DIP2C: variants seen among roughly 807,000 people sequenced by gnomAD.
The protein encoded by DIP2C is DIP2 acetate--CoA ligase C (putative).
A neutral mutation model predicts 192.4 loss-of-function variants in DIP2C; 33 were observed. That is an observed-to-expected ratio of 0.17 (90% CI 0.13 to 0.23). The LOEUF is 0.23. Ranked by LOEUF, DIP2C falls within the 10% of genes least tolerant of loss-of-function variation. The probability of loss-of-function intolerance (pLI) is 1.00; values close to 1 mark genes in which losing one functional copy is unlikely to be tolerated. For synonymous variants in DIP2C, 979 were observed against 864.1 expected (o/e 1.13, Z -2.33); for missense variants, 1,537 against 2,110.1 (o/e 0.73, Z 5.32).
intron 32 of DIP2C, among the ~76,000 whole-genome samples, chr10:291,170 T>C (rs1344857000): frequency 1.3e-5 from 2 of 152,184 alleles, no homozygotes; most frequent in African/African-American, 2.4e-5. Context: ...TGCCTCACCC[T>C]CCGGCCGTAT....
intron 5 of DIP2C, 142 bp downstream of exon 5, chr10:422,682 T>A: frequency 2.0e-6 from 2 of 1,001,528 alleles, no homozygotes; most frequent in Non-Finnish European, 2.8e-6. Context: ...CCAGAAACAA[T>A]CCAGCCAAAG....
At chr10:447,633 G>A (rs978765252) in intron 3 of DIP2C, among the ~76,000 whole-genome samples, 16 of 137,270 alleles carry the variant, frequency 1.2e-4, no homozygotes, top group Non-Finnish European at 2.0e-4. Context: ...CTATACTCAG[G>A]ATCACACACA....
chr10:651,525 A>C lies in DIP2C; in HGVS notation c.85+37969T>G. On this transcript the variant is annotated intron_variant, in intron 1 of 36. Transcript: ENST00000280886. This position sits in a 1 kb window ranked among gnomAD's most constrained non-coding sequence, Gnocchi z 4.1. Reference sequence around the variant, plus strand: ...CCGTATCCACGTGAAGGTATTATGCAAAAAAAGCTTAACTTTGTTTCAGTG... The same window carrying C: ...CCGTATCCACGTGAAGGTATTATGCCAAAAAAGCTTAACTTTGTTTCAGTG... 1 of 493,852 alleles carries C rather than the reference A, an allele frequency of 2.0e-6. No individual in the cohort carries two copies. The allele number at this position is 493,852 out of a possible 1,614,324, so 30.6% of individuals were successfully genotyped here.
At chr10:422,523 C>T (rs1307791590) in intron 5 of DIP2C, among the ~76,000 whole-genome samples, 1 of 152,100 alleles carries the variant, frequency 6.6e-6, no homozygotes, top group Admixed American at 6.5e-5. Flanking sequence ...AAAACCCTGT[C>T]CTGTTGATTG....
intron 24 of DIP2C, among the ~76,000 whole-genome samples, chr10:352,613 AG>A (rs1958877693): frequency 6.6e-6 from 1 of 152,210 alleles, no homozygotes; most frequent in Non-Finnish European, 1.5e-5. Flanking sequence ...ATGGCCAGGC[AG>A]GGCCATGGGT....
intron 1 of DIP2C, among the ~76,000 whole-genome samples, chr10:607,775 C>G (rs889980938): frequency 6.6e-6 from 1 of 152,062 alleles, no homozygotes; most frequent in Non-Finnish European, 1.5e-5. Flanking sequence ...CAATGGAAAC[C>G]TCTTCTTAGA....
At chr10:342,453 T>G (rs1958202020) in intron 28 of DIP2C, among the ~76,000 whole-genome samples, 1 of 152,144 alleles carries the variant, frequency 6.6e-6, no homozygotes, top group Non-Finnish European at 1.5e-5. Context: ...ACACCGCGCC[T>G]GGCCTCGTGT....
chr10:378,594 G>T (rs201324618), intron 17 of DIP2C, among the ~76,000 whole-genome samples: 7 of 128,220 alleles, frequency 5.5e-5, no homozygotes, highest in Middle Eastern at 4.3e-3. Context: ...CGCAGACATA[G>T]ACACACATGA....
At position 417,660 on chromosome 10, in the gene DIP2C, T is replaced by TCACTGCA. The variant is rs1965760943; in HGVS notation, c.739+1404_739+1405insTGCAGTG. On this transcript the variant is annotated intron_variant, in intron 6 of 36. Transcript: ENST00000280886. The stretch of plus-strand genomic sequence containing the variant: ...CGGATAGGCCTCCCTGTCCACCTGT[T>TCACTGCA]CCTGTCAGGGCTCGGATAGGCCTCC... 2.5e-4 allele frequency among the ~76,000 whole-genome samples: 3 copies of TCACTGCA among 12,126 alleles called. 1 individual carries two copies. Among genetic ancestry groups the TCACTGCA allele is most frequent in the Non-Finnish European group, 3.8e-4 (2 of 5,320 alleles). 8.0% of individuals were successfully genotyped at this position (12,126 alleles called of 152,430 possible). A position where few individuals can be genotyped will look rare whatever the true frequency, so the allele number is the denominator to read the frequency against.
chr10:510,758 C>T (rs1231650385), intron 1 of DIP2C, among the ~76,000 whole-genome samples: 1 of 152,232 alleles, frequency 6.6e-6, no homozygotes. Flanking sequence ...CCAGCGCCTC[C>T]GTGTGCCGGG....
chr10:401,301 A>G (rs1180942101), intron 9 of DIP2C, among the ~76,000 whole-genome samples: 3 of 151,526 alleles, frequency 2.0e-5, no homozygotes, highest in Non-Finnish European at 2.9e-5. Flanking sequence ...TTCCTTACGG[A>G]CAAGTTTGGT....
intron 1 of DIP2C, among the ~76,000 whole-genome samples, chr10:688,810 G>A (rs1362821766): frequency 1.3e-5 from 2 of 152,260 alleles, no homozygotes; most frequent in Non-Finnish European, 2.9e-5. Context: ...GAGAGGACCA[G>A]GACGGCAAGG....
At chr10:439,325 C>CA (rs1967532325) in intron 4 of DIP2C, among the ~76,000 whole-genome samples, 1 of 151,608 alleles carries the variant, frequency 6.6e-6, no homozygotes, top group Non-Finnish European at 1.5e-5. Context: ...GCACGGCGTT[C>CA]ACTCCCTTGC....
At chr10:304,670 C>G (rs1327174052) in intron 32 of DIP2C, among the ~76,000 whole-genome samples, 1 of 141,630 alleles carries the variant, frequency 7.1e-6, no homozygotes, top group African/African-American at 2.6e-5. Flanking sequence ...ATGCAACACA[C>G]ACACAATACT....
chr10:321,594 G>C (rs1423414416), intron 31 of DIP2C, among the ~76,000 whole-genome samples: 1 of 145,218 alleles, frequency 6.9e-6, no homozygotes, highest in Non-Finnish European at 1.5e-5. Flanking sequence ...GCTCCAGCGA[G>C]AGACCGGCGC....
chr10:364,668 G>T lies in DIP2C; in HGVS notation c.2269-86C>A. 2.1e-6 allele frequency: 3 copies of T among 1,436,890 alleles called. No homozygotes were observed. In the African/African-American group the frequency reaches 4.2e-5, roughly 20 times the overall value. 89.0% of individuals were successfully genotyped at this position (1,436,890 alleles called of 1,614,324 possible). Reference sequence around the variant, plus strand: ...CGCTACTCCTGGGAGCACGGCACCTGCTTTGCTTAAGCTCTGCCTTTCACC... The same window carrying T: ...CGCTACTCCTGGGAGCACGGCACCTTCTTTGCTTAAGCTCTGCCTTTCACC... On this transcript the variant is annotated intron_variant, in intron 19 of 36. Coordinates refer to ENST00000280886, the MANE Select transcript of DIP2C (RefSeq NM_014974.3).
intron 29 of DIP2C, 53 bp downstream of exon 29, chr10:341,146 G>C (rs2132558472): frequency 6.2e-7 from 1 of 1,612,230 alleles, no homozygotes; most frequent in East Asian, 2.2e-5. Flanking sequence ...CTAAGGTCTG[G>C]AGAGGAAGGT....
chr10:662,985 T>G (rs757415666), intron 1 of DIP2C: 1 of 715,270 alleles, frequency 1.4e-6, no homozygotes. Context: ...ATTGGTTTTA[T>G]CTGAACGTCA....
At chr10:420,500 AAC>A (rs1966109982) in intron 5 of DIP2C, among the ~76,000 whole-genome samples, 1 of 152,206 alleles carries the variant, frequency 6.6e-6, no homozygotes, top group African/African-American at 2.4e-5. Flanking sequence ...CTGCAGAACC[AAC>A]ACACACCCCC....
Sources: allele counts gnomAD v4.1 joint callset (sites outside exome capture counted in the v4.1 genomes callset), GRCh38; gene constraint gnomAD v4.1.1; non-coding constraint Gnocchi (gnomAD v3.1); transcripts MANE v1.5; gene names NCBI Gene and HGNC (gene_info 2026-07-23, HGNC 2026-07-21).